The following POU2F1 variants were observed in gnomAD, a reference collection of about 807,000 sequenced individuals.
POU2F1 encodes POU class 2 homeobox 1.
POU2F1 carries 16 observed loss-of-function variants against 84.9 expected under a neutral mutation model. The observed-to-expected ratio is 0.19, with a 90% CI of 0.13 to 0.29. The LOEUF is 0.29. Among genes scored for constraint, POU2F1 ranks in the 10% least tolerant of loss-of-function variants. POU2F1 has a pLI of 1.00. For missense variants in POU2F1, 738 were observed against 942.6 expected, an observed-to-expected ratio of 0.78 and a Z score of 2.84; for synonymous variants, 368 against 368.3, an observed-to-expected ratio of 1.00 and a Z score of 0.01.
chr1:167,415,487 T>A lies in POU2F1; in HGVS notation c.1991-13T>A, dbSNP rs1353639317. On this transcript the variant is annotated splice_polypyrimidine_tract_variant and intron_variant, in intron 15 of 15. Coordinates refer to ENST00000367866, the MANE Select transcript of POU2F1 (RefSeq NM_002697.4). ...TTTCATTCCTGCCTGTTTTGGGGGG[T>A]TTTTGTCTGTAGCTCTTGCTTCTGG... 1 of 1,608,022 alleles carries A rather than the reference T, an allele frequency of 6.2e-7. No individual in the cohort carries two copies. Among genetic ancestry groups the A allele is most frequent in the Non-Finnish European group, 8.5e-7 (1 of 1,176,300 alleles).
intron 2 of POU2F1, among the ~76,000 whole-genome samples, chr1:167,353,487 C>T (rs1362690984): frequency 1.3e-5 from 2 of 152,038 alleles, no homozygotes; most frequent in Non-Finnish European, 2.9e-5. Context: ...TCAGCATATC[C>T]CTTCCACAGA....
At chr1:167,377,072 T>C (rs1469352904) in intron 7 of POU2F1, among the ~76,000 whole-genome samples, 8 of 152,196 alleles carry the variant, frequency 5.3e-5, no homozygotes, top group Non-Finnish European at 1.0e-4. Context: ...TGAACAGCAT[T>C]TGCAAACCTT....
intron 1 of POU2F1, among the ~76,000 whole-genome samples, chr1:167,318,779 C>CT (rs1485015636): frequency 6.6e-6 from 1 of 152,162 alleles, no homozygotes; most frequent in African/African-American, 2.4e-5. Flanking sequence ...AGATGGGCCT[C>CT]TAACATCTGT....
At chr1:167,358,099 G>A (rs1659089786) in intron 2 of POU2F1, among the ~76,000 whole-genome samples, 1 of 149,512 alleles carries the variant, frequency 6.7e-6, no homozygotes, top group Non-Finnish European at 1.5e-5. Flanking sequence ...ACCGCATCTG[G>A]CCTAATTGAT....
At chr1:167,259,920 C>T (rs1651427319) in intron 1 of POU2F1, among the ~76,000 whole-genome samples, 1 of 151,940 alleles carries the variant, frequency 6.6e-6, no homozygotes, top group South Asian at 2.1e-4. Flanking sequence ...GCTCTGTCGC[C>T]CAGGCTGGAG....
chr1:167,307,709 C>T (rs1377635713), intron 1 of POU2F1, among the ~76,000 whole-genome samples: 1 of 152,096 alleles, frequency 6.6e-6, no homozygotes, highest in Non-Finnish European at 1.5e-5. Context: ...AAACATAAAA[C>T]TCAGAAAATT....
intron 1 of POU2F1, among the ~76,000 whole-genome samples, chr1:167,295,284 T>C (rs541578474): frequency 6.6e-5 from 10 of 152,264 alleles, no homozygotes; most frequent in Non-Finnish European, 1.2e-4. Flanking sequence ...AACCTGAGTG[T>C]CCATTGACTA....
At chr1:167,242,860 G>C (rs1288972469) in intron 1 of POU2F1, among the ~76,000 whole-genome samples, 1 of 152,094 alleles carries the variant, frequency 6.6e-6, no homozygotes, top group Admixed American at 6.5e-5. Context: ...ATATGTATGG[G>C]CAAAATTCAG....
At chr1:167,386,531 C>A (rs540445760) in intron 8 of POU2F1, among the ~76,000 whole-genome samples, 1 of 152,328 alleles carries the variant, frequency 6.6e-6, no homozygotes, top group East Asian at 1.9e-4. Context: ...TGTGACCCAG[C>A]AGTTCTGTCC....
intron 1 of POU2F1, among the ~76,000 whole-genome samples, chr1:167,304,852 A>G (rs1035108522): frequency 2.0e-5 from 3 of 152,204 alleles, no homozygotes; most frequent in Non-Finnish European, 4.4e-5. Flanking sequence ...TTTTCATAAG[A>G]CATTTTAAAA....
At chr1:167,376,200 C>A (rs776043643) in intron 7 of POU2F1, 45 bp downstream of exon 7, 9 of 1,588,602 alleles carry the variant, frequency 5.7e-6, no homozygotes, top group South Asian at 2.3e-5. Flanking sequence ...CAAGGCTGTT[C>A]GCTGAATGTT....
intron 15 of POU2F1, among the ~76,000 whole-genome samples, chr1:167,415,275 G>A (rs113696945): frequency 1.2e-3 from 183 of 152,260 alleles, no homozygotes; most frequent in African/African-American, 3.8e-3. Context: ...CCCTGCTTGT[G>A]CCCATTAAAT....
Position 167,423,450 on chromosome 1 carries a change from G to A in POU2F1, c.*7640G>A, listed in dbSNP as rs1426694177. 3.9e-5 allele frequency: 6 copies of A among 152,210 alleles called. No homozygotes were observed. Among genetic ancestry groups the A allele is most frequent in the African/African-American group, 1.4e-4 (6 of 41,448 alleles). The allele number at this position is 152,210 out of a possible 1,614,324, so 9.4% of individuals were successfully genotyped here. ...TATGACTTGTCAAAGTGCTAGATAG[G>A]TTTATAAGTAGGTAATAGGGATGTT... On this transcript the variant is annotated 3_prime_UTR_variant, in exon 16 of 16. Coordinates refer to ENST00000367866, the MANE Select transcript of POU2F1 (RefSeq NM_002697.4).
At chr1:167,362,453 A>G (rs925316361) in intron 2 of POU2F1, among the ~76,000 whole-genome samples, 1 of 152,222 alleles carries the variant, frequency 6.6e-6, no homozygotes, top group Non-Finnish European at 1.5e-5. Flanking sequence ...GCAGGGTCAC[A>G]TGGGGAAGAC....
intron 2 of POU2F1, among the ~76,000 whole-genome samples, chr1:167,343,846 G>A (rs1323036909): frequency 2.0e-5 from 3 of 151,780 alleles, no homozygotes; most frequent in African/African-American, 7.3e-5. Flanking sequence ...TACTTGGGGT[G>A]CCTTGTGGTG....
At chr1:167,274,421 C>G (rs1230551780) in intron 1 of POU2F1, among the ~76,000 whole-genome samples, 1 of 151,974 alleles carries the variant, frequency 6.6e-6, no homozygotes, top group African/African-American at 2.4e-5. Context: ...TCTTCCTTTC[C>G]TCTTCTTTCC....
chr1:167,223,435 GGT>G (rs1267161733), intron 1 of POU2F1, among the ~76,000 whole-genome samples: 1 of 151,298 alleles, frequency 6.6e-6, no homozygotes, highest in Non-Finnish European at 1.5e-5. Flanking sequence ...TTTGTGTAGG[GGT>G]GTGTGTGAGT....
intron 8 of POU2F1, among the ~76,000 whole-genome samples, chr1:167,384,354 T>C (rs60795540): frequency 0.019 from 2,838 of 152,252 alleles, 86 homozygotes; most frequent in African/African-American, 0.064. Flanking sequence ...TTTTTCTCAA[T>C]GCTTTTATGG....
intron 1 of POU2F1, among the ~76,000 whole-genome samples, chr1:167,296,727 A>G (rs1437828826): frequency 6.6e-6 from 1 of 152,230 alleles, no homozygotes; most frequent in East Asian, 1.9e-4. Context: ...TGAAACTACA[A>G]GTCCTTTTTC....
Sources: allele counts gnomAD v4.1 joint callset (sites outside exome capture counted in the v4.1 genomes callset), GRCh38; gene constraint gnomAD v4.1.1; transcripts MANE v1.5; gene names NCBI Gene and HGNC (gene_info 2026-07-23, HGNC 2026-07-21).